The following TACR2 variants were observed in gnomAD, a reference collection of about 807,000 sequenced individuals.
TACR2 encodes tachykinin receptor 2.
A neutral mutation model predicts 28.9 loss-of-function variants in TACR2; 24 were observed. The observed-to-expected ratio is 0.83, with a 90% CI of 0.60 to 1.17. The LOEUF (loss-of-function observed/expected upper bound fraction) is 1.17, where lower values mean the gene tolerates loss of function less well. TACR2 is among the 50% of genes most tolerant of loss of function. TACR2 has a pLI of 0.00. For missense variants in TACR2, 487 were observed against 524.4 expected, an observed-to-expected ratio of 0.93 and a Z score of 0.70; for synonymous variants, 222 against 212.6, an observed-to-expected ratio of 1.04 and a Z score of -0.38.
At chr10:69,414,805 C>T (rs1281227539) in intron 2 of TACR2, 140 bp downstream of exon 2, 12 of 869,950 alleles carry the variant, frequency 1.4e-5, no homozygotes, top group East Asian at 1.0e-4. Flanking sequence ...CACACAATCC[C>T]GTGTACACTC....
chr10:69,408,957 C>T lies in TACR2; in HGVS notation c.706G>A (p.Gly236Ser), dbSNP rs1164506221. The T allele has an allele frequency of 6.3e-7, 1 of 1,593,572 alleles. No individual in the cohort carries two copies. The highest frequency in any genetic ancestry group is 1.1e-5 in the South Asian group (1 of 88,830). ...RRAVPGHQAH[G>S]ANLRHLQAMK... Reference sequence around the variant, plus strand: ...GCCTGCAGGTGGCGCAGGTTGGCACCGTGCGCCTGATGTCCGGGCACTGCG... The same window carrying T: ...GCCTGCAGGTGGCGCAGGTTGGCACTGTGCGCCTGATGTCCGGGCACTGCG... Residue 236 changes from glycine (G) to serine (S), a missense_variant, in exon 3 of 5, where the codon GGT becomes AGT. Transcript: ENST00000373306.
chr10:69,409,472 G>A (rs1005979632), intron 2 of TACR2, among the ~76,000 whole-genome samples: 1 of 152,074 alleles, frequency 6.6e-6, no homozygotes, highest in African/African-American at 2.4e-5. Flanking sequence ...TTAATATCTG[G>A]CATATTTTTT....
rs973038733 is a variant in TACR2, at chr10:69,408,977, A to G, written c.686T>C (p.Val229Ala). 1.9e-6 allele frequency: 3 copies of G among 1,599,646 alleles called. No homozygotes were observed. The highest frequency in any genetic ancestry group is 1.1e-5 in the South Asian group (1 of 89,834). The change falls in exon 3 of 5, where the codon GTG becomes GCG. Residue 229 changes from valine (V) to alanine (A), a missense_variant. Coordinates refer to ENST00000373306, the MANE Select transcript of TACR2 (RefSeq NM_001057.3). The stretch of plus-strand genomic sequence containing the variant: ...GGCACCGTGCGCCTGATGTCCGGGC[A>G]CTGCGCGCCTCCAGAGCGTGAGGCC... ...VIGLTLWRRAVPGHQAHGANL... is the reference protein window; with the variant it reads ...VIGLTLWRRAAPGHQAHGANL...
At position 69,416,308 on chromosome 10, in the gene TACR2, T is replaced by C; in HGVS notation, c.16A>G (p.Ile6Val). 1 of 1,594,034 alleles carries C rather than the reference T, an allele frequency of 6.3e-7. No individual in the cohort carries two copies. Among genetic ancestry groups the C allele is most frequent in the South Asian group, 1.1e-5 (1 of 88,820 alleles). ...GATGAGATATTGGCTTCAGTCACAA[T>C]GTCACAGGTCCCCATGGCTGCTTCT... MGTCD[I>V]VTEANISSGP... The change falls in exon 1 of 5, where the codon ATT (isoleucine) becomes GTT (valine). Residue 6 changes from isoleucine (I) to valine (V), a missense_variant. By Grantham distance (29) the Ile-to-Val change is conservative (BLOSUM62 3). Coordinates refer to ENST00000373306, the MANE Select transcript of TACR2 (RefSeq NM_001057.3).
chr10:69,409,918 T>TAC lies in TACR2; in HGVS notation c.588-844_588-843insGT, dbSNP rs1349014697. Among the ~76,000 whole-genome samples, 8 of 40,166 alleles carry TAC rather than the reference T, an allele frequency of 2.0e-4. No individual in the cohort carries two copies. The East Asian group carries it at 3.5e-3, about 18-fold the overall frequency. The allele number at this position is 40,166 out of a possible 152,430, so 26.4% of individuals were successfully genotyped here. On this transcript the variant is annotated intron_variant, in intron 2 of 4. Transcript: ENST00000373306. ...ATATATATATACATATATATATATATATATATATATATATATATATATATA... is the reference window on the plus strand; with the variant it reads ...ATATATATATACATATATATATATATACATATATATATATATATATATATATA...
chr10:69,415,927 C>T lies in TACR2; in HGVS notation c.392+5G>A. 1 of 1,611,740 alleles carries T rather than the reference C, an allele frequency of 6.2e-7. No homozygotes were observed. Among genetic ancestry groups the T allele is most frequent in the Admixed American group, 1.7e-5 (1 of 60,014 alleles). On this transcript the variant is annotated splice_donor_5th_base_variant and intron_variant, in intron 1 of 4. Transcript: ENST00000373306. The stretch of plus-strand genomic sequence containing the variant: ...TCCCCCCAGCTTCCCCAAGGACCCT[C>T]TTGCCTGTCGGCAGCAATGGCGGTC...
chr10:69,409,113 G>C (rs751330420), intron 2 of TACR2, 38 bp from the exon 3 acceptor site: 3 of 1,502,350 alleles, frequency 2.0e-6, no homozygotes, highest in Admixed American at 2.2e-5. Context: ...CGGAGGGCCC[G>C]GGGGCGACTC....
At position 69,405,094 on chromosome 10, in the gene TACR2, C is replaced by A; in HGVS notation, c.939-10G>T. The A allele has an allele frequency of 6.2e-7, 1 of 1,611,048 alleles. No homozygotes were observed. The highest frequency in any genetic ancestry group is 2.2e-5 in the East Asian group (1 of 44,828). On this transcript the variant is annotated splice_polypyrimidine_tract_variant and intron_variant, in intron 4 of 4. Coordinates refer to ENST00000373306, the MANE Select transcript of TACR2 (RefSeq NM_001057.3). ...GAATCCAGAGCGAAACCTGGGGGAGCGAGGGGCACCTTGAGCCAGGGAGTT... is the reference window on the plus strand; with the variant it reads ...GAATCCAGAGCGAAACCTGGGGGAGAGAGGGGCACCTTGAGCCAGGGAGTT...
intron 3 of TACR2, among the ~76,000 whole-genome samples, chr10:69,408,487 G>A (rs117304634): frequency 0.026 from 3,870 of 148,286 alleles, 71 homozygotes; most frequent in Middle Eastern, 0.038. Context: ...CTTCCTTTTT[G>A]TGGAGAACGG....
Position 69,416,296 on chromosome 10 carries a change from C to T in TACR2, c.28G>A (p.Ala10Thr). The T allele has an allele frequency of 6.2e-7, 1 of 1,600,916 alleles. No individual in the cohort carries two copies. The highest frequency in any genetic ancestry group is 8.5e-7 in the Non-Finnish European group (1 of 1,170,682). Residue 10 changes from alanine to threonine, a missense_variant, in exon 1 of 5, where the codon GCC becomes ACC. By Grantham distance (58) the Ala-to-Thr change is moderately conservative. Coordinates refer to ENST00000373306, the MANE Select transcript of TACR2 (RefSeq NM_001057.3). MGTCDIVTE[A>T]NISSGPESNT... is the part of the protein sequence containing the mutation. The stretch of plus-strand genomic sequence containing the variant: ...CTCTCAGGGCCAGATGAGATATTGG[C>T]TTCAGTCACAATGTCACAGGTCCCC...
rs748772625 is a variant in TACR2, at chr10:69,409,082, G to A, written c.588-7C>T. 7.5e-6 allele frequency: 12 copies of A among 1,595,432 alleles called. No individual in the cohort carries two copies. In the Admixed American group the frequency reaches 1.6e-4, roughly 21 times the overall value. On this transcript the variant is annotated splice_polypyrimidine_tract_variant and splice_region_variant and intron_variant, in intron 2 of 4. Transcript: ENST00000373306. ...GATCACCACGAGGTGGTACCTGCAGGGAGAGCCGAGGCCTGGGCAGCGGAG... is the reference window on the plus strand; with the variant it reads ...GATCACCACGAGGTGGTACCTGCAGAGAGAGCCGAGGCCTGGGCAGCGGAG...
At chr10:69,411,344 G>T (rs1195864061) in intron 2 of TACR2, among the ~76,000 whole-genome samples, 1 of 152,194 alleles carries the variant, frequency 6.6e-6, no homozygotes, top group African/African-American at 2.4e-5. Flanking sequence ...CCTTGTTCAT[G>T]CCTGGGTGTA....
chr10:69,416,569 C>A lies in TACR2; in HGVS notation c.-246G>T. The A allele has an allele frequency of 6.7e-6, 3 of 447,248 alleles. No individual in the cohort carries two copies. The highest frequency in any genetic ancestry group is 7.8e-6 in the Non-Finnish European group (2 of 255,764). The allele number at this position is 447,248 out of a possible 1,614,324, so 27.7% of individuals were successfully genotyped here. A position where few individuals can be genotyped will look rare whatever the true frequency, so the allele number is the denominator to read the frequency against. On this transcript the variant is annotated 5_prime_UTR_variant, in exon 1 of 5. It introduces an in-frame stop codon into an upstream open reading frame of the 5' UTR. Coordinates refer to ENST00000373306, the MANE Select transcript of TACR2 (RefSeq NM_001057.3). The stretch of plus-strand genomic sequence containing the variant: ...ATTCCATCCTTCCGGCCAGACTTCT[C>A]GAATATCATGTGGAAACACAGAATT...
At chr10:69,410,625 T>A (rs10762294) in intron 2 of TACR2, among the ~76,000 whole-genome samples, 19 of 151,434 alleles carry the variant, frequency 1.3e-4, no homozygotes, top group Non-Finnish European at 2.1e-4. Flanking sequence ...GACTGACTCC[T>A]CGGCAGGTCT....
intron 2 of TACR2, among the ~76,000 whole-genome samples, chr10:69,411,779 G>C (rs1840571159): frequency 6.6e-6 from 1 of 152,148 alleles, no homozygotes; most frequent in African/African-American, 2.4e-5. Flanking sequence ...CAAGGCCCTA[G>C]CTGCCAAATT....
At chr10:69,409,416 G>A (rs10998763) in intron 2 of TACR2, 2,598 of 179,664 alleles carry the variant, frequency 0.014, 76 homozygotes, top group African/African-American at 0.058. Context: ...TAAGCACAAA[G>A]GAGGCAGTAA....
intron 2 of TACR2, chr10:69,409,397 A>C (rs942559514): frequency 4.7e-6 from 1 of 211,494 alleles, no homozygotes; most frequent in Non-Finnish European, 9.4e-6. Flanking sequence ...TTGCAATTTA[A>C]AATGCCATTA....
At position 69,408,913 on chromosome 10, in the gene TACR2, C is replaced by T. The variant is rs1250579556; in HGVS notation, c.741+9G>A. 2.2e-6 allele frequency: 3 copies of T among 1,370,714 alleles called. No homozygotes were observed. Among genetic ancestry groups the T allele is most frequent in the Non-Finnish European group, 1.9e-6 (2 of 1,051,642 alleles). 84.9% of individuals were successfully genotyped at this position (1,370,714 alleles called of 1,614,324 possible). On this transcript the variant is annotated intron_variant, in intron 3 of 4. Transcript: ENST00000373306. The stretch of plus-strand genomic sequence containing the variant: ...CCCGCCCCCTCCAGGCCCCCGCCCC[C>T]GCGCCCACCTTCTTCATGGCCTGCA...
intron 4 of TACR2, among the ~76,000 whole-genome samples, 179 bp from the exon 5 acceptor site, chr10:69,405,263 A>G (rs189639078): frequency 1.3e-5 from 2 of 152,184 alleles, no homozygotes; most frequent in African/African-American, 4.8e-5. Context: ...TGATTTTTGG[A>G]AACTGCCAGA....
Sources: gnomAD v4.1 joint callset for allele counts (sites outside exome capture counted in the v4.1 genomes callset) on GRCh38, gnomAD v4.1.1 for gene constraint, MANE v1.5 for transcripts, NCBI Gene and HGNC (gene_info 2026-07-23, HGNC 2026-07-21) for gene names.